NRP2: variants seen among roughly 807,000 people sequenced by gnomAD.
The protein encoded by NRP2 is neuropilin-2.
NRP2 carries 52 observed loss-of-function variants against 110.4 expected under a neutral mutation model. The observed-to-expected ratio is 0.47, with a 90% CI of 0.38 to 0.59. The LOEUF (loss-of-function observed/expected upper bound fraction) is 0.59. NRP2 is among the 20% of genes least tolerant of loss of function. NRP2 has a pLI of 0.00. For missense variants in NRP2, 1,049 were observed against 1,203.0 expected, an observed-to-expected ratio of 0.87 and a Z score of 1.89; for synonymous variants, 508 against 468.9, an observed-to-expected ratio of 1.08 and a Z score of -1.08.
At chr2:205,734,408 C>CT (rs1424362088) in intron 7 of NRP2, among the ~76,000 whole-genome samples, 1 of 149,680 alleles carries the variant, frequency 6.7e-6, no homozygotes, top group Non-Finnish European at 1.5e-5. Context: ...CGCCCCCCCC[C>CT]ACCCCGCATC....
At chr2:205,689,484 C>G (rs995989002) in intron 1 of NRP2, among the ~76,000 whole-genome samples, 1 of 152,126 alleles carries the variant, frequency 6.6e-6, no homozygotes, top group Non-Finnish European at 1.5e-5. Context: ...ATCTCGTGAT[C>G]GTAGAAAGCA....
At chr2:205,748,813 A>G (rs1392321934) in intron 10 of NRP2, among the ~76,000 whole-genome samples, 2 of 152,164 alleles carry the variant, frequency 1.3e-5, no homozygotes, top group Admixed American at 1.3e-4. Flanking sequence ...CACCCCACCC[A>G]GGGCCTGACT....
intron 15 of NRP2, chr2:205,776,666 CTT>C (rs1480682293): frequency 2.8e-5 from 43 of 1,552,136 alleles, no homozygotes; most frequent in Non-Finnish European, 3.7e-5. Context: ...CCTGAGCACT[CTT>C]ATCAATCCCA....
intron 15 of NRP2, chr2:205,776,173 T>C (rs2058093509): frequency 4.2e-6 from 6 of 1,442,422 alleles, no homozygotes; most frequent in Non-Finnish European, 4.8e-6. Context: ...TGTTTCTTTC[T>C]TTTTTTAAAT....
intron 15 of NRP2, among the ~76,000 whole-genome samples, chr2:205,785,927 A>T (rs2058231557): frequency 6.6e-6 from 1 of 152,146 alleles, no homozygotes; most frequent in African/African-American, 2.4e-5. Flanking sequence ...ACTTGAAACC[A>T]TTTGAAAAAT....
At chr2:205,694,584 T>C (rs1000615984) in intron 1 of NRP2, among the ~76,000 whole-genome samples, 1 of 152,232 alleles carries the variant, frequency 6.6e-6, no homozygotes, top group Non-Finnish European at 1.5e-5. Flanking sequence ...TACATGGAGA[T>C]TGGCCTTAAG....
Position 205,749,738 on chromosome 2 carries a change from G to A in NRP2, c.1800G>A (p.Thr600=), listed in dbSNP as rs145565386. Residue 600 remains threonine, a synonymous_variant, in exon 11 of 17, where the codon ACG becomes ACA. Coordinates refer to ENST00000357785, the MANE Select transcript of NRP2 (RefSeq NM_003872.3). ...GCCCTTACACAGACTCCAAGCCCAC[G>A]GTAGAGACGCTGGGACCCACTGTGA... The part of the protein sequence containing the change: ...LGCDWTDSKP[T]VETLGPTVKS... The A allele has an allele frequency of 1.0e-4, 162 of 1,614,030 alleles. No homozygotes were observed. In the African/African-American group the frequency reaches 1.7e-3, roughly 17 times the overall value.
At chr2:205,784,494 TG>T (rs1201980088) in intron 15 of NRP2, among the ~76,000 whole-genome samples, 1 of 152,166 alleles carries the variant, frequency 6.6e-6, no homozygotes, top group Non-Finnish European at 1.5e-5. Flanking sequence ...ACAACCTAGA[TG>T]GGGCCAACAT....
At chr2:205,706,326 G>A (rs1025291714) in intron 2 of NRP2, among the ~76,000 whole-genome samples, 7 of 152,130 alleles carry the variant, frequency 4.6e-5, no homozygotes, top group Admixed American at 3.9e-4. Flanking sequence ...AGTGAACGAG[G>A]GGGGAAATGG....
intron 1 of NRP2, among the ~76,000 whole-genome samples, chr2:205,694,556 G>C (rs1445093039): frequency 6.6e-6 from 1 of 152,188 alleles, no homozygotes; most frequent in Non-Finnish European, 1.5e-5. Flanking sequence ...AGCTCAAACA[G>C]GGTCAATTTC....
At position 205,697,621 on chromosome 2, in the gene NRP2, T is replaced by G. The variant is rs200272716; in HGVS notation, c.151T>G (p.Ser51Ala). 5 of 1,613,892 alleles carry G rather than the reference T, an allele frequency of 3.1e-6. No individual in the cohort carries two copies. In the African/African-American group the frequency reaches 5.3e-5, roughly 17 times the overall value. Reference sequence around the variant, plus strand: ...TCCCGGTTACCCCCAGGACTACCCCTCCCACCAGAACTGCGAGTGGATTGT... The same window carrying G: ...TCCCGGTTACCCCCAGGACTACCCCGCCCACCAGAACTGCGAGTGGATTGT... ...TSPGYPQDYPSHQNCEWIVYA... is the reference protein window; with the variant it reads ...TSPGYPQDYPAHQNCEWIVYA... The change falls in exon 2 of 17, where the codon TCC becomes GCC. Residue 51 changes from serine (S) to alanine (A), a missense_variant. Ser to Ala is a moderately conservative substitution (Grantham distance 99, BLOSUM62 1). Transcript: ENST00000357785.
At chr2:205,761,527 G>A (rs1025696142) in intron 12 of NRP2, 2 of 152,206 alleles carry the variant, frequency 1.3e-5, no homozygotes, top group African/African-American at 4.8e-5. Flanking sequence ...AAAAGAAGCG[G>A]ATTAATGTTG....
At chr2:205,757,130 T>C (rs1348218981) in intron 12 of NRP2, among the ~76,000 whole-genome samples, 2 of 152,144 alleles carry the variant, frequency 1.3e-5, no homozygotes, top group African/African-American at 4.8e-5. Flanking sequence ...TGACTTTCAA[T>C]CATGAAAGTG....
At chr2:205,731,911 T>C (rs963148310) in intron 7 of NRP2, among the ~76,000 whole-genome samples, 2 of 152,100 alleles carry the variant, frequency 1.3e-5, no homozygotes, top group African/African-American at 4.8e-5. Flanking sequence ...TTCACTAGAG[T>C]ATTTCACAGA....
Position 205,743,339 on chromosome 2 carries a change from T to C in NRP2, c.1428T>C (p.Pro476=). ...TTAGCAGCCGCTCGGGCTGGTTCCC[T>C]CGAATCCCTCAGGCCCAGCCCGGTG... ...RLVSSRSGWF[P]RIPQAQPGEE... is the part of the protein sequence containing the mutation. The change falls in exon 9 of 17, where the codon CCT becomes CCC. Residue 476 remains proline (P), a synonymous_variant. Coordinates refer to ENST00000357785, the MANE Select transcript of NRP2 (RefSeq NM_003872.3). 6.2e-7 allele frequency: 1 copy of C among 1,614,144 alleles called. No individual in the cohort carries two copies. Among genetic ancestry groups the C allele is most frequent in the Non-Finnish European group, 8.5e-7 (1 of 1,180,004 alleles).
At chr2:205,750,781 A>G (rs1424902421) in intron 11 of NRP2, among the ~76,000 whole-genome samples, 1 of 152,238 alleles carries the variant, frequency 6.6e-6, no homozygotes, top group Non-Finnish European at 1.5e-5. Flanking sequence ...ATGGAGACAT[A>G]AAGATATAGG....
intron 12 of NRP2, among the ~76,000 whole-genome samples, chr2:205,753,239 A>G (rs2105897772): frequency 6.6e-6 from 1 of 152,338 alleles, no homozygotes; most frequent in Non-Finnish European, 1.5e-5. Flanking sequence ...AGGAGAAAGA[A>G]AAAAGGGACA....
chr2:205,740,602 C>T lies in NRP2; in HGVS notation c.1230C>T (p.Arg410=). 3 of 1,614,232 alleles carry T rather than the reference C, an allele frequency of 1.9e-6. No homozygotes were observed. The highest frequency in any genetic ancestry group is 2.5e-6 in the Non-Finnish European group (3 of 1,180,050). Reference sequence around the variant, plus strand: ...TGCTGACAAGGTTTGTTAGAATCCGCCCTCAGACCTGGCACTCAGGTATCG... The same window carrying T: ...TGCTGACAAGGTTTGTTAGAATCCGTCCTCAGACCTGGCACTCAGGTATCG... ...APLLTRFVRI[R]PQTWHSGIAL... is the part of the protein sequence containing the mutation. The change falls in exon 8 of 17, where the codon CGC becomes CGT. Residue 410 remains arginine (R), a synonymous_variant. Transcript: ENST00000357785.
rs760855315 is a variant in NRP2 at position 205,722,553 on chromosome 2, C to G, written c.509C>G (p.Pro170Arg). 2.5e-6 allele frequency: 4 copies of G among 1,614,072 alleles called. No individual in the cohort carries two copies. In the Admixed American group the frequency reaches 5.0e-5, roughly 20 times the overall value. ...TCTCCTGGGTTTCCTGAGAAGTATC[C>G]ACACAACTTGGACTGCACCTTTACC... Reference protein sequence around the residue: ...IESPGFPEKYPHNLDCTFTIL... With the variant: ...IESPGFPEKYRHNLDCTFTIL... The change falls in exon 4 of 17, where the codon CCA (proline) becomes CGA (arginine). Residue 170 changes from proline (P) to arginine (R), a missense_variant. Pro to Arg is a moderately radical substitution (Grantham distance 103). Transcript: ENST00000357785.
Sources: allele counts gnomAD v4.1 joint callset (sites outside exome capture counted in the v4.1 genomes callset), GRCh38; gene constraint gnomAD v4.1.1; transcripts MANE v1.5; gene names NCBI Gene and HGNC (gene_info 2026-07-23, HGNC 2026-07-21).